ZBTB40: variants seen among roughly 807,000 people sequenced by gnomAD.
ZBTB40 encodes zinc finger and BTB domain-containing protein 40.
Under a neutral mutation model 117.5 loss-of-function variants are expected in ZBTB40, and 60 were observed. The observed-to-expected ratio is 0.51, with a 90% confidence interval of 0.41 to 0.63. The LOEUF is 0.63. ZBTB40 is among the 30% of genes least tolerant of loss of function. The probability of loss-of-function intolerance (pLI) is 0.00; values close to 1 mark genes in which losing one functional copy is unlikely to be tolerated. For missense variants in ZBTB40, 1,287 were observed against 1,498.5 expected, an observed-to-expected ratio of 0.86 and a Z score of 2.33; for synonymous variants, 525 against 577.1, an observed-to-expected ratio of 0.91 and a Z score of 1.29.
intron 2 of ZBTB40, among the ~76,000 whole-genome samples, 178 bp from the exon 3 acceptor site, chr1:22,491,222 G>A (rs1269761316): frequency 6.6e-6 from 1 of 152,190 alleles, no homozygotes; most frequent in East Asian, 1.9e-4. Context: ...ACCAGGCTGA[G>A]GACAGCACAA....
chr1:22,478,090 GTGT>G (rs1019863419), intron 1 of ZBTB40, among the ~76,000 whole-genome samples: 14 of 152,062 alleles, frequency 9.2e-5, no homozygotes, highest in East Asian at 1.9e-4. Context: ...CTCACTTTTT[GTGT>G]TGTTGTTGAT....
intron 1 of ZBTB40, among the ~76,000 whole-genome samples, chr1:22,438,896 C>T (rs1354197075): frequency 1.3e-5 from 2 of 152,038 alleles, no homozygotes; most frequent in Non-Finnish European, 2.9e-5. Context: ...GAGACAGAGT[C>T]TTGCTCTGTT....
rs1476770946 is a variant in ZBTB40 at position 22,521,625 on chromosome 1, G to C, written c.3178G>C (p.Glu1060Gln). The C allele has an allele frequency of 6.2e-7, 1 of 1,614,150 alleles. No homozygotes were observed. The highest frequency in any genetic ancestry group is 2.2e-5 in the East Asian group (1 of 44,880). Residue 1060 changes from glutamate to glutamine, a missense_variant, in exon 15 of 18, where the codon GAG becomes CAG. Transcript: ENST00000375647. ...TGACAAAACCTTCCCCAACACCATT[G>C]AGCACAAGAAGCACATCAAAGCAGA... ...SCDKTFPNTI[E>Q]HKKHIKAEHA...
At chr1:22,441,257 G>C (rs568154043) in intron 1 of ZBTB40, among the ~76,000 whole-genome samples, 1 of 151,958 alleles carries the variant, frequency 6.6e-6, no homozygotes, top group African/African-American at 2.4e-5. Flanking sequence ...TATCCAATTT[G>C]TTGGTATACA....
At position 22,526,588 on chromosome 1, in the gene ZBTB40, A is replaced by G. The variant is rs1639684958; in HGVS notation, c.*192A>G. 2 of 683,196 alleles carry G rather than the reference A, an allele frequency of 2.9e-6. No homozygotes were observed. The highest frequency in any genetic ancestry group is 1.8e-5 in the African/African-American group (1 of 56,726). The allele number at this position is 683,196 out of a possible 1,614,324, so 42.3% of individuals were successfully genotyped here. A position where few individuals can be genotyped will look rare whatever the true frequency, so the allele number is the denominator to read the frequency against. ...AGAACCAACAGCATCTGAGCCCTCA[A>G]CACCAACAGCACCATCCTCTGTAGC... On this transcript the variant is annotated 3_prime_UTR_variant, in exon 18 of 18. Transcript: ENST00000375647.
chr1:22,498,866 G>A (rs1015859641), intron 3 of ZBTB40, among the ~76,000 whole-genome samples: 1 of 152,162 alleles, frequency 6.6e-6, no homozygotes, highest in Admixed American at 6.5e-5. Context: ...AGGCAGGCAG[G>A]AAGGAAAGGG....
At chr1:22,434,742 T>C (rs1640648323) in intron 1 of ZBTB40, among the ~76,000 whole-genome samples, 1 of 152,216 alleles carries the variant, frequency 6.6e-6, no homozygotes, top group East Asian at 1.9e-4. Flanking sequence ...TTCTGGACTT[T>C]CTTTTTGTTC....
chr1:22,445,823 C>G (rs1357967212), intron 1 of ZBTB40, among the ~76,000 whole-genome samples: 1 of 148,688 alleles, frequency 6.7e-6, no homozygotes, highest in Non-Finnish European at 1.5e-5. Flanking sequence ...CCACTGCACT[C>G]CAGCCTGGGC....
At chr1:22,442,765 A>G (rs1324312028) in intron 1 of ZBTB40, among the ~76,000 whole-genome samples, 1 of 152,144 alleles carries the variant, frequency 6.6e-6, no homozygotes, top group African/African-American at 2.4e-5. Flanking sequence ...GTCCCTAACA[A>G]GATCTAGTTG....
chr1:22,480,699 C>T (rs1638279250), intron 1 of ZBTB40, among the ~76,000 whole-genome samples: 1 of 152,126 alleles, frequency 6.6e-6, no homozygotes, highest in Non-Finnish European at 1.5e-5. Flanking sequence ...GTTTTTTCTG[C>T]TGCATGCTAG....
At chr1:22,521,928 CAG>C (rs1283912319) in intron 15 of ZBTB40, among the ~76,000 whole-genome samples, 6 of 152,184 alleles carry the variant, frequency 3.9e-5, no homozygotes, top group African/African-American at 1.4e-4. Context: ...GTGTCAGCCT[CAG>C]TGGTAGGCAG....
chr1:22,499,266 CA>C (rs1170960197), intron 3 of ZBTB40, among the ~76,000 whole-genome samples: 1 of 152,236 alleles, frequency 6.6e-6, no homozygotes. Context: ...GCTTGCATCT[CA>C]CAGAGCAAGG....
At chr1:22,451,251 C>T (rs1335057663), upstream of ZBTB40, among the ~76,000 whole-genome samples, 1 of 152,218 alleles carries the variant, frequency 6.6e-6, no homozygotes, top group Non-Finnish European at 1.5e-5. Flanking sequence ...CTCTCCGCCT[C>T]GCACGTGAAT....
chr1:22,520,376 G>A, intron 14 of ZBTB40, 101 bp downstream of exon 14: 1 of 924,452 alleles, frequency 1.1e-6, no homozygotes, highest in East Asian at 2.6e-5. Flanking sequence ...ATCATATCTT[G>A]TATCCAGGAT....
At position 22,490,304 on chromosome 1, in the gene ZBTB40, G is replaced by A. The variant is rs767461861; in HGVS notation, c.356G>A (p.Cys119Tyr). ...AATCTTCTGACCAGCCTTGTAAACT[G>A]CTCGGTTCAGGGTCAGGTGGTAAGG... ...CKNLLTSLVN[C>Y]SVQGQVVRDV... The change falls in exon 2 of 18, where the codon TGC becomes TAC. Residue 119 changes from cysteine to tyrosine, a missense_variant. Physicochemically the swap from Cys to Tyr is radical, Grantham distance 194 (BLOSUM62 -2). This residue lies in a region of ZBTB40 where 870 missense variants were observed against 934.4 expected (regional missense o/e 0.93). Coordinates refer to ENST00000375647, the MANE Select transcript of ZBTB40 (RefSeq NM_014870.4). 12 of 1,614,044 alleles carry A rather than the reference G, an allele frequency of 7.4e-6. No homozygotes were observed. Among genetic ancestry groups the A allele is most frequent in the Non-Finnish European group, 1.0e-5 (12 of 1,180,038 alleles).
At chr1:22,443,064 G>C (rs1640751360) in intron 1 of ZBTB40, among the ~76,000 whole-genome samples, 1 of 152,134 alleles carries the variant, frequency 6.6e-6, no homozygotes, top group Non-Finnish European at 1.5e-5. Context: ...GCTTCCAACA[G>C]GGGAAGAAGA....
rs541090554 is a variant in ZBTB40 at position 22,478,496 on chromosome 1, C to T, written c.-69-11384C>T. Among the ~76,000 whole-genome samples the T allele has an allele frequency of 4.6e-5, 7 of 152,316 alleles. No homozygotes were observed. The East Asian group carries it at 1.3e-3, about 29-fold the overall frequency. ...TCTCCTGACCTCGTGATCTGCCCAC[C>T]TCGGCCTCCCAAAGTGCTGGGATTA... On this transcript the variant is annotated intron_variant, in intron 1 of 17. Transcript: ENST00000375647.
chr1:22,455,941 T>C (rs896739090), intron 1 of ZBTB40, among the ~76,000 whole-genome samples: 1 of 152,124 alleles, frequency 6.6e-6, no homozygotes, highest in African/African-American at 2.4e-5. Flanking sequence ...TCGTACTGAG[T>C]ATTTACATTA....
Position 22,526,231 on chromosome 1 carries a change from G to A in ZBTB40, c.3555G>A (p.Pro1185=), listed in dbSNP as rs200480767. ...TCCAAACCCCAGAGCCGGTGGCCCC[G>A]ACAGAGCAGGTGATCACTTTGGAGG... ...QVIQTPEPVA[P]TEQVITLEET... is the part of the protein sequence containing the mutation. The change falls in exon 18 of 18, where the codon CCG becomes CCA. Residue 1185 remains proline, a synonymous_variant. Coordinates refer to ENST00000375647, the MANE Select transcript of ZBTB40 (RefSeq NM_014870.4). 98 of 1,614,144 alleles carry A rather than the reference G, an allele frequency of 6.1e-5. 1 individual carries two copies. The highest frequency in any genetic ancestry group is 5.1e-4 in the South Asian group (46 of 91,056).
Sources: gnomAD v4.1 joint callset for allele counts (sites outside exome capture counted in the v4.1 genomes callset) on GRCh38, gnomAD v4.1.1 for gene constraint, gnomAD v4.1.1 regional missense constraint, MANE v1.5 for transcripts, NCBI Gene and HGNC (gene_info 2026-07-23, HGNC 2026-07-21) for gene names.